Variants in UBE2L3 observed in about 807,000 individuals in gnomAD.
UBE2L3 encodes the protein ubiquitin conjugating enzyme E2 L3, also known as ubiquitin-conjugating enzyme E2 L3.
A neutral mutation model predicts 17.8 loss-of-function variants in UBE2L3; 1 was observed. That is an observed-to-expected ratio of 0.06 (90% CI 0.02 to 0.27). The LOEUF (loss-of-function observed/expected upper bound fraction) is 0.27, where lower values mean the gene tolerates loss of function less well. UBE2L3 is among the 10% of genes least tolerant of loss of function. The pLI is 1.00. For missense variants in UBE2L3, 40 were observed against 192.6 expected (o/e 0.21, Z 4.69); for synonymous variants, 44 against 68.5 (o/e 0.64, Z 1.76).
chr22:21,618,755 TTTTA>T (rs1929909139), intron 3 of UBE2L3, among the ~76,000 whole-genome samples: 1 of 151,906 alleles, frequency 6.6e-6, no homozygotes, highest in African/African-American at 2.4e-5. Flanking sequence ...AACCGGCTAA[TTTTA>T]TTTTTTATTT....
intron 1 of UBE2L3, among the ~76,000 whole-genome samples, chr22:21,582,908 T>C (rs1196733731): frequency 6.6e-6 from 1 of 152,136 alleles, no homozygotes; most frequent in Non-Finnish European, 1.5e-5. Context: ...ACCCATCTTG[T>C]ACTGGAGGCT....
intron 1 of UBE2L3, among the ~76,000 whole-genome samples, chr22:21,575,637 T>A (rs1357324115): frequency 1.7e-5 from 1 of 60,372 alleles, no homozygotes; most frequent in African/African-American, 5.2e-5. Flanking sequence ...ATAGCTTTTT[T>A]TTTTTTTTTT....
At chr22:21,562,945 C>T (rs1262371797), upstream of UBE2L3, among the ~76,000 whole-genome samples, 5 of 131,980 alleles carry the variant, frequency 3.8e-5, no homozygotes, top group African/African-American at 1.2e-4. Flanking sequence ...GAAGCCACTT[C>T]TTTTCAAAAA....
chr22:21,589,275 A>G (rs1349895508), intron 1 of UBE2L3, among the ~76,000 whole-genome samples: 1 of 150,650 alleles, frequency 6.6e-6, no homozygotes, highest in Non-Finnish European at 1.5e-5. Flanking sequence ...CCTCCCGAGT[A>G]GCTGGGACTA....
chr22:21,560,444 C>G (rs1185236045), intron 1 of UBE2L3, among the ~76,000 whole-genome samples: 5 of 135,172 alleles, frequency 3.7e-5, no homozygotes, highest in African/African-American at 1.5e-4. Flanking sequence ...CCCTTTAGAT[C>G]TATTTTTTTT....
chr22:21,581,049 C>T (rs534111047), intron 1 of UBE2L3, among the ~76,000 whole-genome samples: 1 of 146,898 alleles, frequency 6.8e-6, no homozygotes, highest in African/African-American at 2.5e-5. Flanking sequence ...CCACCATGCC[C>T]GGCTAATTTT....
At chr22:21,604,679 A>G (rs1437874223) in intron 2 of UBE2L3, among the ~76,000 whole-genome samples, 1 of 152,154 alleles carries the variant, frequency 6.6e-6, no homozygotes, top group Non-Finnish European at 1.5e-5. Context: ...TTTAGCTCTA[A>G]TGTTGAAATT....
At chr22:21,590,105 T>C (rs972487679) in intron 1 of UBE2L3, among the ~76,000 whole-genome samples, 1 of 152,260 alleles carries the variant, frequency 6.6e-6, no homozygotes, top group Non-Finnish European at 1.5e-5. Flanking sequence ...GATACAGTTT[T>C]TCACTCTCAT....
chr22:21,618,610 A>G (rs1205927199), intron 3 of UBE2L3, among the ~76,000 whole-genome samples: 1 of 146,518 alleles, frequency 6.8e-6, no homozygotes, highest in Non-Finnish European at 1.5e-5. Context: ...TTTTTTTGCG[A>G]TAGGGTCTTG....
rs12166111 is a variant in UBE2L3 at position 21,606,333 on chromosome 22, T to G, written c.124-4524T>G. 7.4e-3 allele frequency among the ~76,000 whole-genome samples: 1,126 copies of G among 151,308 alleles called. 17 individuals are homozygous for G. Among genetic ancestry groups the G allele is most frequent in the African/African-American group, 0.026 (1,070 of 41,332 alleles). On this transcript the variant is annotated intron_variant, in intron 2 of 3. Coordinates refer to ENST00000342192, the MANE Select transcript of UBE2L3 (RefSeq NM_003347.4). ...GTGTGGTATGTGTGTGTGTGTGTGG[T>G]GTGTGTGTGTGTGTCTTACTCTGTT...
At chr22:21,618,810 T>C (rs996455145) in intron 3 of UBE2L3, among the ~76,000 whole-genome samples, 2 of 152,230 alleles carry the variant, frequency 1.3e-5, no homozygotes, top group South Asian at 2.1e-4. Context: ...CAGGCCAGTC[T>C]CAGACTCCTG....
chr22:21,563,933 G>T (rs1264964926), upstream of UBE2L3, among the ~76,000 whole-genome samples: 1 of 151,458 alleles, frequency 6.6e-6, no homozygotes, highest in Admixed American at 6.6e-5. Context: ...CTTGAACTCC[G>T]GGCCTCAAGT....
At position 21,590,908 on chromosome 22, in the gene UBE2L3, C is replaced by T. The variant is rs558836135; in HGVS notation, c.28-1953C>T. Among the ~76,000 whole-genome samples, 3 of 152,276 alleles carry T rather than the reference C, an allele frequency of 2.0e-5. No homozygotes were observed. The South Asian group carries it at 6.2e-4, about 32-fold the overall frequency. On this transcript the variant is annotated intron_variant, in intron 1 of 3. Transcript: ENST00000342192. The stretch of plus-strand genomic sequence containing the variant: ...TCATTAAGCACATGTTTGAGCACCA[C>T]TGTGAGCCAGGCGCTGGCAGGACCA...
chr22:21,566,500 C>T (rs1225735099), upstream of UBE2L3, among the ~76,000 whole-genome samples: 1 of 151,926 alleles, frequency 6.6e-6, no homozygotes, highest in Non-Finnish European at 1.5e-5. Flanking sequence ...GCAGGAGGAT[C>T]CCTTGAGCCT....
At chr22:21,567,988 G>C in intron 1 of UBE2L3, 2 of 1,364,956 alleles carry the variant, frequency 1.5e-6, no homozygotes, top group Non-Finnish European at 1.9e-6. Flanking sequence ...AGCCGCTGTC[G>C]GCCCCTCAGC....
At chr22:21,567,397 G>C (rs140490), upstream of UBE2L3, 4 of 258,880 alleles carry the variant, frequency 1.5e-5, no homozygotes, top group African/African-American at 6.8e-5. Flanking sequence ...ACTCGTGACC[G>C]CGTGATCCAC....
chr22:21,574,480 A>G (rs181075850), intron 1 of UBE2L3, among the ~76,000 whole-genome samples: 43 of 152,328 alleles, frequency 2.8e-4, no homozygotes, highest in Non-Finnish European at 4.4e-5. Context: ...GGAGGTGACC[A>G]GCCTGACAGG....
chr22:21,580,153 A>G (rs1927543699), intron 1 of UBE2L3, among the ~76,000 whole-genome samples: 1 of 152,222 alleles, frequency 6.6e-6, no homozygotes, highest in Non-Finnish European at 1.5e-5. Context: ...TCCGTTTCTA[A>G]TGGGAGCATT....
chr22:21,558,641 A>AC (rs1175126372), intron 1 of UBE2L3, among the ~76,000 whole-genome samples: 2 of 152,082 alleles, frequency 1.3e-5, no homozygotes, highest in Admixed American at 6.5e-5. Context: ...AAAAAAAAAA[A>AC]AAAAAAAACA....
Sources: allele counts gnomAD v4.1 joint callset (sites outside exome capture counted in the v4.1 genomes callset), GRCh38; gene constraint gnomAD v4.1.1; transcripts MANE v1.5; gene names NCBI Gene and HGNC (gene_info 2026-07-23, HGNC 2026-07-21).